Variants in EPHA3 observed in about 807,000 individuals in gnomAD.
EPHA3 encodes the protein EPH receptor A3, also known as ephrin type-A receptor 3.
EPHA3 carries 42 observed loss-of-function variants against 107.1 expected under a neutral mutation model. The ratio of observed to expected loss-of-function variants is 0.39; its 90% CI spans 0.31 to 0.51. The LOEUF is 0.51. EPHA3 is among the 20% of genes least tolerant of loss of function. The pLI, the probability that EPHA3 is intolerant of heterozygous loss-of-function variation, is 0.78. For synonymous variants in EPHA3, 461 were observed against 424.8 expected (o/e 1.09, Z -1.05); for missense variants, 1,183 against 1,211.2 (o/e 0.98, Z 0.35).
intron 6 of EPHA3, among the ~76,000 whole-genome samples, chr3:89,398,476 A>T (rs768466877): frequency 7.9e-5 from 12 of 152,198 alleles, no homozygotes; most frequent in Non-Finnish European, 1.5e-4. Context: ...TTTTGTCTCT[A>T]CCAAACCACA....
intron 3 of EPHA3, among the ~76,000 whole-genome samples, chr3:89,229,697 T>A (rs1210795863): frequency 1.3e-5 from 2 of 151,876 alleles, no homozygotes; most frequent in African/African-American, 4.8e-5. Flanking sequence ...TATGATAGAT[T>A]CATCAATATG....
chr3:89,143,513 G>T (rs1429784807), intron 2 of EPHA3, among the ~76,000 whole-genome samples: 1 of 151,670 alleles, frequency 6.6e-6, no homozygotes, highest in East Asian at 1.9e-4. Context: ...AGTCAAGAAA[G>T]AATATGGTCT....
intron 5 of EPHA3, among the ~76,000 whole-genome samples, chr3:89,357,106 CAAAAAAAA>C (rs56717904): frequency 8.3e-3 from 133 of 15,998 alleles, no homozygotes; most frequent in African/African-American, 0.025. Flanking sequence ...GACCCTGTCT[CAAAAAAAA>C]AAAAAAAAAA....
intron 13 of EPHA3, among the ~76,000 whole-genome samples, chr3:89,435,784 G>A (rs1206055149): frequency 1.3e-5 from 2 of 149,870 alleles, no homozygotes; most frequent in Non-Finnish European, 3.0e-5. Context: ...GAAACCCCGT[G>A]TCTACTAAAA....
At chr3:89,392,964 C>T (rs1469159423) in intron 5 of EPHA3, among the ~76,000 whole-genome samples, 1 of 151,942 alleles carries the variant, frequency 6.6e-6, no homozygotes, top group Non-Finnish European at 1.5e-5. Flanking sequence ...GTCTCTTTCT[C>T]CATTATGTTT....
chr3:89,472,613 C>A lies in EPHA3; in HGVS notation c.2840C>A (p.Ser947Tyr), dbSNP rs192800580. 3.6e-5 allele frequency: 58 copies of A among 1,606,204 alleles called. 1 individual carries two copies. Among genetic ancestry groups the A allele is most frequent in the Admixed American group, 3.1e-4 (18 of 58,476 alleles). The change falls in exon 16 of 17, where the codon TCC becomes TAC. Residue 947 changes from serine to tyrosine, a missense_variant. Coordinates refer to ENST00000336596, the MANE Select transcript of EPHA3 (RefSeq NM_005233.6). ...YSSCDTIAKI[S>Y]TDDMKKVGVT... ...TCTTGTGACACAATAGCCAAGATTT[C>A]CACAGAGTAAGAAAAAAAAATTCAT...
At chr3:89,383,639 CTTTTTTTTTT>C (rs71621546) in intron 5 of EPHA3, among the ~76,000 whole-genome samples, 13 of 87,960 alleles carry the variant, frequency 1.5e-4, no homozygotes, top group African/African-American at 5.1e-4. Context: ...ACTTCTTCTT[CTTTTTTTTTT>C]TTTTTTTTTT....
intron 1 of EPHA3, 25 bp downstream of exon 1, chr3:89,107,861 G>T: frequency 6.2e-7 from 1 of 1,608,976 alleles, no homozygotes; most frequent in Non-Finnish European, 8.5e-7. Flanking sequence ...GCGACGCACG[G>T]AGCTCTGCCC....
intron 3 of EPHA3, among the ~76,000 whole-genome samples, chr3:89,213,403 A>C (rs537714725): frequency 6.6e-6 from 1 of 152,008 alleles, no homozygotes; most frequent in Admixed American, 6.6e-5. Flanking sequence ...GGTCCTGAAG[A>C]GAATAGACTT....
chr3:89,253,573 G>A (rs1205626531), intron 3 of EPHA3, among the ~76,000 whole-genome samples: 3 of 152,096 alleles, frequency 2.0e-5, no homozygotes, highest in Non-Finnish European at 4.4e-5. Flanking sequence ...CACAGGTGGA[G>A]GTCAGTTGTC....
intron 3 of EPHA3, among the ~76,000 whole-genome samples, chr3:89,265,280 G>C (rs1161869292): frequency 6.6e-6 from 1 of 152,042 alleles, no homozygotes; most frequent in Non-Finnish European, 1.5e-5. Context: ...ATTTAGAGAT[G>C]CATCAAGAAA....
intron 2 of EPHA3, among the ~76,000 whole-genome samples, chr3:89,209,642 A>T (rs1706218229): frequency 6.6e-6 from 1 of 152,150 alleles, no homozygotes; most frequent in East Asian, 1.9e-4. Flanking sequence ...TTTCCTGAAT[A>T]TTCAACAAAC....
intron 5 of EPHA3, among the ~76,000 whole-genome samples, chr3:89,394,667 A>G (rs546811977): frequency 7.2e-5 from 11 of 152,262 alleles, no homozygotes; most frequent in Non-Finnish European, 8.8e-5. Flanking sequence ...TCATGTGATA[A>G]TCATAGAAAC....
intron 5 of EPHA3, among the ~76,000 whole-genome samples, chr3:89,366,016 A>G (rs2107464033): frequency 6.6e-6 from 1 of 150,890 alleles, no homozygotes; most frequent in Non-Finnish European, 1.5e-5. Context: ...TGAAGATGCA[A>G]GGAAAACAAA....
chr3:89,430,464 A>G (rs1204889234), intron 12 of EPHA3, among the ~76,000 whole-genome samples: 1 of 152,144 alleles, frequency 6.6e-6, no homozygotes, highest in Non-Finnish European at 1.5e-5. Flanking sequence ...AAATATTATG[A>G]TAAATATTCT....
At position 89,480,662 on chromosome 3, in the gene EPHA3, C is replaced by G. The variant is rs1710605273; in HGVS notation, c.*1160C>G. 4.3e-6 allele frequency: 1 copy of G among 232,068 alleles called. No individual in the cohort carries two copies. The highest frequency in any genetic ancestry group is 2.2e-5 in the African/African-American group (1 of 45,196). 14.4% of individuals were successfully genotyped at this position (232,068 alleles called of 1,614,324 possible). On this transcript the variant is annotated 3_prime_UTR_variant, in exon 17 of 17. Transcript: ENST00000336596. ...CTGGCTCACTGGCTTTGAAAAGTCA[C>G]TTACTATTGTTGCTGAAACTTGCTG...
chr3:89,238,534 CA>C (rs1704824367), intron 3 of EPHA3, among the ~76,000 whole-genome samples: 1 of 152,130 alleles, frequency 6.6e-6, no homozygotes, highest in Non-Finnish European at 1.5e-5. Context: ...CTTCTTTAAC[CA>C]CAGTTCTAAA....
intron 9 of EPHA3, among the ~76,000 whole-genome samples, chr3:89,410,306 G>A (rs1345614796): frequency 2.0e-5 from 3 of 151,730 alleles, no homozygotes; most frequent in South Asian, 2.1e-4. Flanking sequence ...ATTGCATATA[G>A]GTATCCATCA....
chr3:89,319,948 A>G (rs1707004716), intron 3 of EPHA3, among the ~76,000 whole-genome samples: 4 of 151,958 alleles, frequency 2.6e-5, no homozygotes. Context: ...TATATACAAT[A>G]ACAGAACAAA....
Sources: gnomAD v4.1 joint callset for allele counts (sites outside exome capture counted in the v4.1 genomes callset) on GRCh38, gnomAD v4.1.1 for gene constraint, MANE v1.5 for transcripts, NCBI Gene and HGNC (gene_info 2026-07-23, HGNC 2026-07-21) for gene names.